GRIP1: variants seen among roughly 807,000 people sequenced by gnomAD.
GRIP1 encodes the protein glutamate receptor interacting protein 1.
A neutral mutation model predicts 129.9 loss-of-function variants in GRIP1; 45 were observed. The observed-to-expected ratio is 0.35, with a 90% CI of 0.27 to 0.44. The LOEUF (loss-of-function observed/expected upper bound fraction) is 0.44, where lower values mean the gene tolerates loss of function less well. Ranked by LOEUF, GRIP1 falls within the 20% of genes least tolerant of loss-of-function variation. GRIP1 has a pLI of 1.00. For missense variants in GRIP1, 1,196 were observed against 1,396.8 expected, an observed-to-expected ratio of 0.86 and a Z score of 2.29; for synonymous variants, 530 against 520.8, an observed-to-expected ratio of 1.02 and a Z score of -0.24.
At chr12:67,006,722 A>C (rs2042632954) in intron 1 of GRIP1, among the ~76,000 whole-genome samples, 1 of 152,222 alleles carries the variant, frequency 6.6e-6, no homozygotes, top group African/African-American at 2.4e-5. Flanking sequence ...GGAGGGATGG[A>C]GGAAATAATT....
At chr12:66,810,023 G>A (rs1449584227) in intron 1 of GRIP1, among the ~76,000 whole-genome samples, 1 of 152,012 alleles carries the variant, frequency 6.6e-6, no homozygotes, top group Non-Finnish European at 1.5e-5. Flanking sequence ...ATGGATCTGA[G>A]GGCATTGCTA....
chr12:66,938,718 G>A (rs571617162), intron 1 of GRIP1, among the ~76,000 whole-genome samples: 1 of 152,182 alleles, frequency 6.6e-6, no homozygotes, highest in African/African-American at 2.4e-5. Flanking sequence ...CAGCACTTTG[G>A]GAGGCCAAGG....
intron 1 of GRIP1, among the ~76,000 whole-genome samples, chr12:67,015,830 A>C (rs1197557548): frequency 6.6e-6 from 1 of 152,160 alleles, no homozygotes; most frequent in Non-Finnish European, 1.5e-5. Flanking sequence ...AGTTGGCATG[A>C]AATCAGAAAT....
chr12:66,838,939 G>A (rs1248549833), intron 1 of GRIP1, among the ~76,000 whole-genome samples: 2 of 152,176 alleles, frequency 1.3e-5, no homozygotes, highest in Non-Finnish European at 2.9e-5. Flanking sequence ...GCAAGTCAGA[G>A]TAGGGGCAGA....
intron 1 of GRIP1, among the ~76,000 whole-genome samples, chr12:67,033,552 A>G (rs1038594412): frequency 6.6e-5 from 10 of 152,116 alleles, no homozygotes; most frequent in African/African-American, 2.2e-4. Context: ...ATGTATTCCA[A>G]TCTTCTCATT....
intron 1 of GRIP1, among the ~76,000 whole-genome samples, chr12:66,794,824 T>C (rs2038649024): frequency 6.6e-6 from 1 of 152,156 alleles, no homozygotes; most frequent in South Asian, 2.1e-4. Context: ...TTTTTAAGAA[T>C]AAAAGAGAGA....
At chr12:67,007,857 A>G (rs571457766) in intron 1 of GRIP1, among the ~76,000 whole-genome samples, 1 of 152,296 alleles carries the variant, frequency 6.6e-6, no homozygotes, top group South Asian at 2.1e-4. Flanking sequence ...AAATTTTACA[A>G]ACAGCTGTGT....
intron 2 of GRIP1, chr12:66,569,339 C>G (rs144518553): frequency 6.3e-6 from 1 of 158,572 alleles, no homozygotes; most frequent in African/African-American, 2.4e-5. Context: ...TAGCTGGGTG[C>G]GGTGGCAGGC....
intron 1 of GRIP1, among the ~76,000 whole-genome samples, chr12:66,961,147 T>C (rs2041915565): frequency 6.6e-6 from 1 of 152,114 alleles, no homozygotes; most frequent in African/African-American, 2.4e-5. Context: ...TGAACCAGCA[T>C]ATACAATACT....
At chr12:66,858,781 G>A (rs2040050323) in intron 1 of GRIP1, among the ~76,000 whole-genome samples, 2 of 151,894 alleles carry the variant, frequency 1.3e-5, no homozygotes, top group Non-Finnish European at 2.9e-5. Context: ...AATTAAAGAT[G>A]AGCTAGTGGT....
chr12:66,852,483 TAACA>T (rs1228451795), intron 1 of GRIP1, among the ~76,000 whole-genome samples: 3 of 151,472 alleles, frequency 2.0e-5, no homozygotes, highest in South Asian at 2.1e-4. Flanking sequence ...TTAGACACAC[TAACA>T]AAGTGTGTAT....
At chr12:66,511,675 T>C (rs1006194849) in intron 7 of GRIP1, among the ~76,000 whole-genome samples, 2 of 152,192 alleles carry the variant, frequency 1.3e-5, no homozygotes, top group East Asian at 1.9e-4. Flanking sequence ...TTTCTTTTTC[T>C]GGCATCACAA....
chr12:66,962,477 G>T (rs570778443), intron 1 of GRIP1, among the ~76,000 whole-genome samples: 1 of 151,992 alleles, frequency 6.6e-6, no homozygotes, highest in African/African-American at 2.4e-5. Flanking sequence ...TAAACAGTGC[G>T]ACTTAGACTA....
At chr12:66,542,450 ACTTT>A (rs2061814874) in intron 2 of GRIP1, among the ~76,000 whole-genome samples, 1 of 152,228 alleles carries the variant, frequency 6.6e-6, no homozygotes, top group African/African-American at 2.4e-5. Context: ...TATTGACTTT[ACTTT>A]CTTTGTCTTT....
intron 1 of GRIP1, among the ~76,000 whole-genome samples, chr12:67,034,122 CT>C (rs1257249376): frequency 6.6e-6 from 1 of 152,150 alleles, no homozygotes; most frequent in Non-Finnish European, 1.5e-5. Context: ...GCAAGTCAAA[CT>C]TTTCAGTCAA....
At chr12:66,878,257 A>G (rs556116026) in intron 1 of GRIP1, among the ~76,000 whole-genome samples, 3 of 152,240 alleles carry the variant, frequency 2.0e-5, no homozygotes, top group Admixed American at 6.5e-5. Flanking sequence ...AAGGATGACT[A>G]TGAAACAAGT....
At chr12:66,802,972 T>A (rs2038901250) in intron 1 of GRIP1, among the ~76,000 whole-genome samples, 1 of 152,194 alleles carries the variant, frequency 6.6e-6, no homozygotes, top group African/African-American at 2.4e-5. Flanking sequence ...TATCAAATAA[T>A]TACAATTTTA....
At chr12:66,506,779 G>A (rs778104026) in intron 7 of GRIP1, among the ~76,000 whole-genome samples, 7 of 151,938 alleles carry the variant, frequency 4.6e-5, no homozygotes, top group Admixed American at 1.3e-4. Flanking sequence ...TTTCTCACCC[G>A]CTAGTTTTAT....
chr12:67,044,613 G>A (rs1046171035), intron 1 of GRIP1, among the ~76,000 whole-genome samples: 1 of 152,086 alleles, frequency 6.6e-6, no homozygotes, highest in South Asian at 2.1e-4. Context: ...GGTGTATTAT[G>A]TATAACAATT....
Sources: allele counts gnomAD v4.1 joint callset (sites outside exome capture counted in the v4.1 genomes callset), GRCh38; gene constraint gnomAD v4.1.1; transcripts MANE v1.5; gene names NCBI Gene and HGNC (gene_info 2026-07-23, HGNC 2026-07-21).